Variants in AARD observed in about 807,000 individuals in gnomAD.
The protein encoded by AARD is alanine- and arginine-rich domain-containing protein.
Under a neutral mutation model 9.3 loss-of-function variants are expected in AARD, and 9 were observed. That is an observed-to-expected ratio of 0.97 (90% CI 0.58 to 1.69). AARD has a LOEUF of 1.69. Ranked by LOEUF, AARD falls within the 40% of genes most tolerant of loss-of-function variation. AARD has a pLI of 0.00. For synonymous variants in AARD, 91 were observed against 93.8 expected (o/e 0.97, Z 0.17); for missense variants, 236 against 210.3 (o/e 1.12, Z -0.76).
At chr8:116,940,979 CA>C (rs1157175231) in intron 1 of AARD, among the ~76,000 whole-genome samples, 1 of 151,952 alleles carries the variant, frequency 6.6e-6, no homozygotes, top group African/African-American at 2.4e-5. Flanking sequence ...AAATCATTAC[CA>C]ATAATTTTTC....
At position 116,944,481 on chromosome 8, in the gene AARD, G is replaced by A. The variant is rs1813787208; in HGVS notation, c.*1780G>A. The A allele has an allele frequency of 6.6e-6, 1 of 152,168 alleles. No individual in the cohort carries two copies. Among genetic ancestry groups the A allele is most frequent in the Non-Finnish European group, 1.5e-5 (1 of 68,042 alleles). 9.4% of individuals were successfully genotyped at this position (152,168 alleles called of 1,614,324 possible). A position where few individuals can be genotyped will look rare whatever the true frequency, so the allele number is the denominator to read the frequency against. ...ATAAAATAAATGCAAGTTGTTTTAT[G>A]TGTGTGAGGATCTGAGAATTATCTG... On this transcript the variant is annotated 3_prime_UTR_variant, in exon 2 of 2. Transcript: ENST00000378279.
intron 1 of AARD, 67 bp downstream of exon 1, chr8:116,938,634 G>A: frequency 7.3e-7 from 1 of 1,376,984 alleles, no homozygotes; most frequent in Non-Finnish European, 9.3e-7. Context: ...TCCAGCTGCA[G>A]AGCCGCTGGC....
chr8:116,939,806 T>C (rs1402437693), intron 1 of AARD, among the ~76,000 whole-genome samples: 1 of 152,200 alleles, frequency 6.6e-6, no homozygotes, highest in Non-Finnish European at 1.5e-5. Flanking sequence ...CGGAGCCACC[T>C]CATTCGGCCA....
chr8:116,941,806 G>A lies in AARD; in HGVS notation c.325-752G>A, dbSNP rs140263919. On this transcript the variant is annotated intron_variant, in intron 1 of 1. Transcript: ENST00000378279. Reference sequence around the variant, plus strand: ...TTTTAGCAGAGAGAACAAATTCCTCGTGAACTGCATTAAACAAGCCCTAGC... The same window carrying A: ...TTTTAGCAGAGAGAACAAATTCCTCATGAACTGCATTAAACAAGCCCTAGC... Among the ~76,000 whole-genome samples, 345 of 152,292 alleles carry A rather than the reference G, an allele frequency of 2.3e-3. 3 individuals carry two copies. The highest frequency in any genetic ancestry group is 7.9e-3 in the African/African-American group (330 of 41,566).
At chr8:116,939,491 G>T (rs1224866489) in intron 1 of AARD, among the ~76,000 whole-genome samples, 10 of 152,154 alleles carry the variant, frequency 6.6e-5, no homozygotes, top group Non-Finnish European at 1.5e-4. Flanking sequence ...AATTAGCCAG[G>T]TATGGTGGCT....
Position 116,942,419 on chromosome 8 carries a change from A to T in AARD, c.325-139A>T, listed in dbSNP as rs186324407. 1.1e-3 allele frequency: 841 copies of T among 790,350 alleles called. 4 individuals carry two copies. The highest frequency in any genetic ancestry group is 9.9e-3 in the Middle Eastern group (25 of 2,536). 49.0% of individuals were successfully genotyped at this position (790,350 alleles called of 1,614,324 possible). On this transcript the variant is annotated intron_variant, in intron 1 of 1. Transcript: ENST00000378279. The stretch of plus-strand genomic sequence containing the variant: ...CAGACCAAACAGTTAAAACTGGAGA[A>T]TAAGATGAGAAATACATCTTCCTTG...
intron 1 of AARD, among the ~76,000 whole-genome samples, chr8:116,940,736 T>G (rs555964658): frequency 6.6e-6 from 1 of 152,314 alleles, no homozygotes; most frequent in African/African-American, 2.4e-5. Flanking sequence ...TTTGACTGGG[T>G]TTTCTTAGTA....
rs767022559 is a variant in AARD, at chr8:116,943,155, A to G, written c.*454A>G. 6.6e-6 allele frequency: 1 copy of G among 152,362 alleles called. No homozygotes were observed. Among genetic ancestry groups the G allele is most frequent in the Non-Finnish European group, 1.5e-5 (1 of 68,138 alleles). The allele number at this position is 152,362 out of a possible 1,614,324, so 9.4% of individuals were successfully genotyped here. Reference sequence around the variant, plus strand: ...ACAAATGACAGGGGAAGGTGACAGAAAAACATCTAAGAGAGGGGAGAGAAA... The same window carrying G: ...ACAAATGACAGGGGAAGGTGACAGAGAAACATCTAAGAGAGGGGAGAGAAA... On this transcript the variant is annotated 3_prime_UTR_variant, in exon 2 of 2. Transcript: ENST00000378279.
At chr8:116,939,650 A>G (rs924118521) in intron 1 of AARD, among the ~76,000 whole-genome samples, 1 of 152,322 alleles carries the variant, frequency 6.6e-6, no homozygotes, top group Middle Eastern at 3.4e-3. Flanking sequence ...AAAAAAGGAC[A>G]ATATCCTAAA....
At chr8:116,939,823 G>A (rs1478756412) in intron 1 of AARD, among the ~76,000 whole-genome samples, 4 of 152,190 alleles carry the variant, frequency 2.6e-5, no homozygotes, top group Non-Finnish European at 5.9e-5. Context: ...GCCACTGGAG[G>A]CCTGTGCTAT....
chr8:116,938,541 AC>A lies in AARD; in HGVS notation c.301del (p.Leu101TrpfsTer25). The A allele has an allele frequency of 6.9e-7, 1 of 1,451,480 alleles. No homozygotes were observed. The highest frequency in any genetic ancestry group is 2.7e-5 in the Admixed American group (1 of 36,572). The allele number at this position is 1,451,480 out of a possible 1,614,324, so 89.9% of individuals were successfully genotyped here. On this transcript the variant is annotated frameshift_variant, in exon 1 of 2. Transcript: ENST00000378279. LOFTEE classifies it low-confidence loss of function (END_TRUNC). ...GCAGAGCTGGACGGGCGTTGAGGCC[AC>A]CCTGGCCAGGCTGCGGGCGGAGCTG... ...EEQSWTGVEA[T>X]LARLRAELVE...
chr8:116,942,759 G>T lies in AARD; in HGVS notation c.*58G>T. 1 of 1,558,188 alleles carries T rather than the reference G, an allele frequency of 6.4e-7. No homozygotes were observed. The highest frequency in any genetic ancestry group is 1.1e-5 in the South Asian group (1 of 87,818). Reference sequence around the variant, plus strand: ...CTCACGCCTGTAATCCCAGCACTTTGGGAGGCCGAGGCGGGCGGATCAAGA... The same window carrying T: ...CTCACGCCTGTAATCCCAGCACTTTTGGAGGCCGAGGCGGGCGGATCAAGA... On this transcript the variant is annotated 3_prime_UTR_variant, in exon 2 of 2. Coordinates refer to ENST00000378279, the MANE Select transcript of AARD (RefSeq NM_001025357.3).
chr8:116,941,051 A>C (rs1055821420), intron 1 of AARD, among the ~76,000 whole-genome samples: 1 of 152,140 alleles, frequency 6.6e-6, no homozygotes, highest in Non-Finnish European at 1.5e-5. Flanking sequence ...TTAATTAATT[A>C]ATTCACTCAC....
In AARD at chr8:116,938,278, G is replaced by T. The variant is rs1392831257; in HGVS notation, c.35G>T (p.Arg12Ile). Residue 12 changes from arginine (R) to isoleucine (I), a missense_variant, in exon 1 of 2, where the codon AGA becomes ATA. By Grantham distance (97) the Arg-to-Ile change is moderately conservative. Transcript: ENST00000378279. ...GPGDFRRCRE[R>I]ISQGLQGLPG... ...GGGGACTTCCGCCGCTGCAGAGAGAGAATTTCCCAGGGGCTCCAGGGACTC... is the reference window on the plus strand; with the variant it reads ...GGGGACTTCCGCCGCTGCAGAGAGATAATTTCCCAGGGGCTCCAGGGACTC... 1 of 1,606,722 alleles carries T rather than the reference G, an allele frequency of 6.2e-7. No individual in the cohort carries two copies. The highest frequency in any genetic ancestry group is 8.5e-7 in the Non-Finnish European group (1 of 1,176,868).
chr8:116,942,571 T>G lies in AARD; in HGVS notation c.338T>G (p.Phe113Cys). Residue 113 changes from phenylalanine to cysteine, a missense_variant, in exon 2 of 2, where the codon TTC becomes TGC. Transcript: ENST00000378279. The part of the protein sequence containing the change: ...RLRAELVEMH[F>C]QNHQLARTLL... Reference sequence around the variant, plus strand: ...TCTAACTTTTAGGTGGAAATGCATTTCCAAAACCACCAGCTGGCTAGAACT... The same window carrying G: ...TCTAACTTTTAGGTGGAAATGCATTGCCAAAACCACCAGCTGGCTAGAACT... 1 of 1,612,096 alleles carries G rather than the reference T, an allele frequency of 6.2e-7. No individual in the cohort carries two copies. Among genetic ancestry groups the G allele is most frequent in the Non-Finnish European group, 8.5e-7 (1 of 1,178,914 alleles).
Position 116,942,729 on chromosome 8 carries a change from G to C in AARD, c.*28G>C. 6.2e-7 allele frequency: 1 copy of C among 1,604,930 alleles called. No individual in the cohort carries two copies. On this transcript the variant is annotated 3_prime_UTR_variant, in exon 2 of 2. Coordinates refer to ENST00000378279, the MANE Select transcript of AARD (RefSeq NM_001025357.3). ...AAATGCACACGCAAGGGCTGGGCGC[G>C]GTGGCTCACGCCTGTAATCCCAGCA...
rs764022137 is a variant in AARD at position 116,938,213 on chromosome 8, A to T, written c.-31A>T. The T allele has an allele frequency of 1.4e-6, 2 of 1,419,850 alleles. No homozygotes were observed. The highest frequency in any genetic ancestry group is 1.9e-6 in the Non-Finnish European group (2 of 1,069,244). 88.0% of individuals were successfully genotyped at this position (1,419,850 alleles called of 1,614,324 possible). ...ACTTAGAAACTCATCTTTCAGCAGC[A>T]GCGGTAGAGCAGTGACCAGGCGTCT... On this transcript the variant is annotated 5_prime_UTR_variant, in exon 1 of 2. Coordinates refer to ENST00000378279, the MANE Select transcript of AARD (RefSeq NM_001025357.3).
At chr8:116,942,210 G>A (rs1227767176) in intron 1 of AARD, among the ~76,000 whole-genome samples, 3 of 152,184 alleles carry the variant, frequency 2.0e-5, no homozygotes, top group African/African-American at 4.8e-5. Flanking sequence ...CTCAGAAGGC[G>A]CATAAAGATA....
rs559492993 is a variant in AARD, at chr8:116,941,032, GTTAATTAA to G, written c.325-1511_325-1504del. On this transcript the variant is annotated intron_variant, in intron 1 of 1. Transcript: ENST00000378279. ...GAAAGTACAGGACGGATATTCATCAGTTAATTAATTAATTAATTAATTCACTCACTCTT... is the reference window on the plus strand; with the variant it reads ...GAAAGTACAGGACGGATATTCATCAGTTAATTAATTAATTCACTCACTCTT... Among the ~76,000 whole-genome samples the G allele has an allele frequency of 1.3e-5, 2 of 152,076 alleles. 1 individual carries two copies. Among genetic ancestry groups the G allele is most frequent in the South Asian group, 4.1e-4 (2 of 4,826 alleles).
Sources: gnomAD v4.1 joint callset for allele counts (sites outside exome capture counted in the v4.1 genomes callset) on GRCh38, gnomAD v4.1.1 for gene constraint, MANE v1.5 for transcripts, NCBI Gene and HGNC (gene_info 2026-07-23, HGNC 2026-07-21) for gene names.